GRID2: variants seen among roughly 807,000 people sequenced by gnomAD.
GRID2 encodes the protein glutamate ionotropic receptor delta type subunit 2.
A neutral mutation model predicts 114.8 loss-of-function variants in GRID2; 33 were observed. The ratio of observed to expected loss-of-function variants is 0.29; its 90% CI spans 0.22 to 0.38. The LOEUF (loss-of-function observed/expected upper bound fraction) is 0.38. Among genes scored for constraint, GRID2 ranks in the 10% least tolerant of loss-of-function variants. The pLI is 1.00. For missense variants in GRID2, 1,184 were observed against 1,257.7 expected, an observed-to-expected ratio of 0.94 and a Z score of 0.89; for synonymous variants, 505 against 449.9, an observed-to-expected ratio of 1.12 and a Z score of -1.55.
chr4:93,445,314 A>C (rs1212977131), intron 10 of GRID2, among the ~76,000 whole-genome samples: 1 of 151,928 alleles, frequency 6.6e-6, no homozygotes, highest in Non-Finnish European at 1.5e-5. Context: ...TCAGCCAGGG[A>C]ACTTCTTTCA....
At chr4:93,048,501 T>G (rs892230366) in intron 2 of GRID2, among the ~76,000 whole-genome samples, 1 of 152,046 alleles carries the variant, frequency 6.6e-6, no homozygotes, top group Admixed American at 6.6e-5. Context: ...AATCACTGAC[T>G]TCTGAAAATC....
chr4:92,873,337 G>C (rs1173861345), intron 2 of GRID2, among the ~76,000 whole-genome samples: 1 of 152,032 alleles, frequency 6.6e-6, no homozygotes, highest in Non-Finnish European at 1.5e-5. Flanking sequence ...GCTAAATCAA[G>C]TGTCTTAAGG....
At chr4:92,863,043 CT>C (rs1393276370) in intron 2 of GRID2, among the ~76,000 whole-genome samples, 2 of 152,086 alleles carry the variant, frequency 1.3e-5, no homozygotes, top group African/African-American at 4.8e-5. Flanking sequence ...TGCTAAATAA[CT>C]TTCTAAGTCT....
chr4:92,974,151 C>T (rs1442127293), intron 2 of GRID2, among the ~76,000 whole-genome samples: 3 of 152,162 alleles, frequency 2.0e-5, no homozygotes, highest in Non-Finnish European at 4.4e-5. Context: ...CATCTCACGC[C>T]AGTTAGAATG....
intron 2 of GRID2, among the ~76,000 whole-genome samples, chr4:92,658,065 T>C (rs896556446): frequency 1.3e-5 from 2 of 151,740 alleles, no homozygotes; most frequent in Admixed American, 6.6e-5. Flanking sequence ...CTCCACTTTT[T>C]TACATGAAAT....
chr4:93,740,738 CAT>C (rs1731291663), intron 14 of GRID2, among the ~76,000 whole-genome samples: 1 of 152,118 alleles, frequency 6.6e-6, no homozygotes, highest in South Asian at 2.1e-4. Context: ...ACATTTCTCA[CAT>C]AGTCATCACA....
chr4:93,730,380 A>T (rs1730372212), intron 14 of GRID2, among the ~76,000 whole-genome samples: 1 of 152,066 alleles, frequency 6.6e-6, no homozygotes, highest in African/African-American at 2.4e-5. Context: ...TCTCCAGGTC[A>T]TATGGTGTGA....
chr4:92,982,377 C>T (rs1170063372), intron 2 of GRID2, among the ~76,000 whole-genome samples: 1 of 151,870 alleles, frequency 6.6e-6, no homozygotes, highest in African/African-American at 2.4e-5. Flanking sequence ...AGTTGAGGTA[C>T]GTTCAGATTA....
intron 8 of GRID2, among the ~76,000 whole-genome samples, chr4:93,250,694 A>T (rs1036276005): frequency 5.4e-5 from 8 of 146,918 alleles, no homozygotes; most frequent in African/African-American, 1.2e-4. Context: ...TATATATATA[A>T]AATGTGCATG....
At chr4:92,525,778 G>T (rs1469848309) in intron 1 of GRID2, among the ~76,000 whole-genome samples, 1 of 152,070 alleles carries the variant, frequency 6.6e-6, no homozygotes, top group African/African-American at 2.4e-5. Context: ...AGAGACATTT[G>T]TTTAACCATA....
intron 4 of GRID2, among the ~76,000 whole-genome samples, chr4:93,171,599 T>C (rs1183003690): frequency 2.0e-5 from 3 of 152,196 alleles, no homozygotes; most frequent in Admixed American, 1.3e-4. Flanking sequence ...TCCAAATAAA[T>C]GTTTGTTAAA....
At position 92,934,623 on chromosome 4, in the gene GRID2, C is replaced by A. The variant is rs1191066291; in HGVS notation, c.245-150372C>A. ...GAACAAAGCTGGAGGCATCATGCTA[C>A]CTGACTTCAAACTATACTACAAGGC... On this transcript the variant is annotated intron_variant, in intron 2 of 15. Coordinates refer to ENST00000282020, the MANE Select transcript of GRID2 (RefSeq NM_001510.4). 2.0e-5 allele frequency among the ~76,000 whole-genome samples: 3 copies of A among 146,538 alleles called. 1 individual carries two copies. Among genetic ancestry groups the A allele is most frequent in the Non-Finnish European group, 1.5e-5 (1 of 66,202 alleles).
intron 1 of GRID2, among the ~76,000 whole-genome samples, chr4:92,447,638 T>C (rs1733541424): frequency 6.6e-6 from 1 of 152,232 alleles, no homozygotes; most frequent in Non-Finnish European, 1.5e-5. Context: ...CAGAAATTTA[T>C]TTTTCACAGT....
intron 13 of GRID2, among the ~76,000 whole-genome samples, chr4:93,582,962 A>C (rs1222636357): frequency 6.6e-6 from 1 of 152,142 alleles, no homozygotes; most frequent in Non-Finnish European, 1.5e-5. Context: ...AGGTGTTGGC[A>C]GGGCCACACT....
At chr4:93,649,547 A>G (rs1722404744) in intron 14 of GRID2, among the ~76,000 whole-genome samples, 1 of 152,168 alleles carries the variant, frequency 6.6e-6, no homozygotes, top group Admixed American at 6.5e-5. Flanking sequence ...TATATTCCCA[A>G]GTCTATACTC....
intron 1 of GRID2, among the ~76,000 whole-genome samples, chr4:92,553,625 C>T (rs539882368): frequency 1.3e-4 from 20 of 151,426 alleles, no homozygotes; most frequent in African/African-American, 4.8e-4. Context: ...GACATACCTC[C>T]CCAACTTCCC....
At chr4:92,918,609 C>T (rs1749023931) in intron 2 of GRID2, among the ~76,000 whole-genome samples, 1 of 152,104 alleles carries the variant, frequency 6.6e-6, no homozygotes, top group African/African-American at 2.4e-5. Flanking sequence ...TTGAGATAAT[C>T]ATGTGGTTTT....
chr4:93,535,225 T>TAC (rs1176083423), intron 13 of GRID2, among the ~76,000 whole-genome samples: 4 of 91,982 alleles, frequency 4.3e-5, no homozygotes, highest in African/African-American at 1.4e-4. Flanking sequence ...TACACACACA[T>TAC]ACACATACAC....
chr4:92,615,805 T>C (rs753579546), intron 2 of GRID2, among the ~76,000 whole-genome samples: 23 of 151,638 alleles, frequency 1.5e-4, no homozygotes, highest in Non-Finnish European at 2.4e-4. Context: ...GTGCTAGGTA[T>C]ACAATATGTG....
Sources: gnomAD v4.1 joint callset for allele counts (sites outside exome capture counted in the v4.1 genomes callset) on GRCh38, gnomAD v4.1.1 for gene constraint, MANE v1.5 for transcripts, NCBI Gene and HGNC (gene_info 2026-07-23, HGNC 2026-07-21) for gene names.